LYN: variants seen among roughly 807,000 people sequenced by gnomAD.
LYN encodes the protein tyrosine-protein kinase Lyn.
LYN carries 12 observed loss-of-function variants against 65.0 expected under a neutral mutation model. The observed-to-expected ratio is 0.18, with a 90% confidence interval of 0.12 to 0.30. The LOEUF (loss-of-function observed/expected upper bound fraction) is 0.30, where lower values mean the gene tolerates loss of function less well. Ranked by LOEUF, LYN falls within the 10% of genes least tolerant of loss-of-function variation. The pLI, the probability that LYN is intolerant of heterozygous loss-of-function variation, is 1.00. For synonymous variants in LYN, 222 were observed against 221.2 expected (o/e 1.00, Z -0.03); for missense variants, 380 against 623.2 (o/e 0.61, Z 4.16).
chr8:55,953,845 C>T lies in LYN; in HGVS notation c.651C>T (p.Gly217=). ...CTTTCAAATTAGAGCAGGCAGATGG[C>T]TTGTGCAGAAGATTGGAGAAGGCTT... The part of the protein sequence containing the change: ...MIKHYQKQAD[G]LCRRLEKACI... The change falls in exon 8 of 13, where the codon GGC becomes GGT. Residue 217 remains glycine, a synonymous_variant. Coordinates refer to ENST00000519728, the MANE Select transcript of LYN (RefSeq NM_002350.4). 3 of 1,613,834 alleles carry T rather than the reference C, an allele frequency of 1.9e-6. No individual in the cohort carries two copies. Among genetic ancestry groups the T allele is most frequent in the Non-Finnish European group, 2.5e-6 (3 of 1,179,898 alleles).
At position 56,010,945 on chromosome 8, in the gene LYN, G is replaced by T. The variant is rs1463942003; in HGVS notation, c.*835G>T. ...TCCACAATTTCCTATATCCAGATTT[G>T]TTTTGACAATGTAGTTTGGAAGAAC... On this transcript the variant is annotated 3_prime_UTR_variant, in exon 13 of 13. Coordinates refer to ENST00000519728, the MANE Select transcript of LYN (RefSeq NM_002350.4). The T allele has an allele frequency of 4.3e-6, 1 of 231,588 alleles. No homozygotes were observed. The highest frequency in any genetic ancestry group is 1.3e-3 in the Middle Eastern group (1 of 796). 14.3% of individuals were successfully genotyped at this position (231,588 alleles called of 1,614,324 possible).
chr8:55,895,125 C>A (rs1457128089), intron 1 of LYN, among the ~76,000 whole-genome samples: 2 of 152,124 alleles, frequency 1.3e-5, no homozygotes, highest in Admixed American at 1.3e-4. Context: ...GCCCCAAAAC[C>A]TCCAGTTTAT....
At chr8:55,901,468 C>T (rs1805261035) in intron 1 of LYN, among the ~76,000 whole-genome samples, 2 of 152,182 alleles carry the variant, frequency 1.3e-5, no homozygotes, top group Admixed American at 6.5e-5. Flanking sequence ...TTCTTGGGCT[C>T]ATGCATGGGA....
At chr8:55,981,345 A>C (rs1441361186) in intron 10 of LYN, among the ~76,000 whole-genome samples, 1 of 152,162 alleles carries the variant, frequency 6.6e-6, no homozygotes, top group Non-Finnish European at 1.5e-5. Context: ...TTTTATCCCC[A>C]GCACTTGGTG....
intron 3 of LYN, among the ~76,000 whole-genome samples, chr8:55,947,241 C>G (rs1056711055): frequency 2.0e-5 from 3 of 152,252 alleles, no homozygotes; most frequent in Non-Finnish European, 2.9e-5. Flanking sequence ...AAGAGCGAGA[C>G]TCCGTCTCAA....
intron 10 of LYN, among the ~76,000 whole-genome samples, chr8:55,985,270 C>T (rs1022227077): frequency 6.6e-6 from 1 of 152,180 alleles, no homozygotes; most frequent in African/African-American, 2.4e-5. Flanking sequence ...AATGCTTGAC[C>T]TTGCTTCTTC....
rs1271613250 is a variant in LYN, at chr8:56,010,994, C to A, written c.*884C>A. On this transcript the variant is annotated 3_prime_UTR_variant, in exon 13 of 13. Transcript: ENST00000519728. Reference sequence around the variant, plus strand: ...ACTAAGATTCTAATCTCTGAAGAACCTTATAGGGCCTTCTAAAACATAAGA... The same window carrying A: ...ACTAAGATTCTAATCTCTGAAGAACATTATAGGGCCTTCTAAAACATAAGA... The A allele has an allele frequency of 8.6e-6, 2 of 232,284 alleles. No individual in the cohort carries two copies. The highest frequency in any genetic ancestry group is 4.4e-5 in the African/African-American group (2 of 45,308). The allele number at this position is 232,284 out of a possible 1,614,324, so 14.4% of individuals were successfully genotyped here.
intron 10 of LYN, among the ~76,000 whole-genome samples, chr8:55,987,622 G>C (rs937502341): frequency 6.6e-6 from 1 of 151,996 alleles, no homozygotes; most frequent in South Asian, 2.1e-4. Flanking sequence ...CACCACATTG[G>C]GCAGGCTGGT....
rs866731052 is a variant in LYN, at chr8:55,946,382, T to C, written c.133-66T>C. The C allele has an allele frequency of 1.9e-4, 190 of 1,013,288 alleles. 3 individuals carry two copies. The South Asian group carries it at 2.3e-3, about 12-fold the overall frequency. The allele number at this position is 1,013,288 out of a possible 1,614,324, so 62.8% of individuals were successfully genotyped here. A position where few individuals can be genotyped will look rare whatever the true frequency, so the allele number is the denominator to read the frequency against. The stretch of plus-strand genomic sequence containing the variant: ...CTGCTACTGTTACAAAAATCATATA[T>C]ACAACACGAATGTGAGTAAGAAAAG... On this transcript the variant is annotated intron_variant, in intron 2 of 12. Transcript: ENST00000519728.
At chr8:55,909,040 CACACACACACA>C (rs1300607652) in intron 1 of LYN, among the ~76,000 whole-genome samples, 10,339 of 90,706 alleles carry the variant, frequency 0.11, 1,712 homozygotes, top group Non-Finnish European at 0.15. Flanking sequence ...CACACACACA[CACACACACACA>C]CCCCACATTT....
Position 55,999,527 on chromosome 8 carries a change from C to T in LYN, c.1314C>T (p.Thr438=), listed in dbSNP as rs758632697. 20 of 1,613,496 alleles carry T rather than the reference C, an allele frequency of 1.2e-5. No individual in the cohort carries two copies. Among genetic ancestry groups the T allele is most frequent in the Middle Eastern group, 1.6e-4 (1 of 6,080 alleles). The change falls in exon 12 of 13, where the codon ACC becomes ACT. Residue 438 remains threonine (T), a synonymous_variant. Transcript: ENST00000519728. ...SFGILLYEIV[T]YGKIPYPGRT... Reference sequence around the variant, plus strand: ...GAATCCTCCTATACGAAATTGTCACCTATGGGAAAATTCCCTACCCAGGTA... The same window carrying T: ...GAATCCTCCTATACGAAATTGTCACTTATGGGAAAATTCCCTACCCAGGTA...
chr8:55,889,270 G>T (rs1394945846), intron 1 of LYN, among the ~76,000 whole-genome samples: 1 of 152,152 alleles, frequency 6.6e-6, no homozygotes, highest in African/African-American at 2.4e-5. Flanking sequence ...GGAGTACAGT[G>T]GTGCAGTCAT....
chr8:55,962,676 C>T (rs149728906), intron 8 of LYN, among the ~76,000 whole-genome samples: 4 of 152,272 alleles, frequency 2.6e-5, no homozygotes, highest in African/African-American at 9.6e-5. Context: ...TCAAGATATA[C>T]GATCATTTAT....
chr8:56,010,710 T>C lies in LYN; in HGVS notation c.*600T>C, dbSNP rs1808790811. On this transcript the variant is annotated 3_prime_UTR_variant, in exon 13 of 13. Transcript: ENST00000519728. ...AGACTGTTAAAACATTTTTCTTCTA[T>C]GAACACTGCTCAGACCTGCTAGACA... 2 of 226,874 alleles carry C rather than the reference T, an allele frequency of 8.8e-6. No homozygotes were observed. Among genetic ancestry groups the C allele is most frequent in the African/African-American group, 2.3e-5 (1 of 43,608 alleles). The allele number at this position is 226,874 out of a possible 1,614,324, so 14.1% of individuals were successfully genotyped here.
chr8:55,936,345 A>C (rs187461138), intron 1 of LYN, among the ~76,000 whole-genome samples: 105 of 152,288 alleles, frequency 6.9e-4, no homozygotes, highest in Non-Finnish European at 1.1e-3. Flanking sequence ...TCAGTAAAGA[A>C]GTGCAGCTTT....
intron 2 of LYN, among the ~76,000 whole-genome samples, chr8:55,944,584 G>A (rs981883920): frequency 6.6e-6 from 1 of 152,138 alleles, no homozygotes; most frequent in African/African-American, 2.4e-5. Flanking sequence ...GAGTTCAAGC[G>A]ATTCTCCTGC....
At chr8:55,944,062 C>T (rs1177522254) in intron 2 of LYN, among the ~76,000 whole-genome samples, 3 of 151,972 alleles carry the variant, frequency 2.0e-5, no homozygotes, top group African/African-American at 7.3e-5. Context: ...GCACTCCAGC[C>T]TGGGTTACAG....
At chr8:55,936,375 C>A (rs35380752) in intron 1 of LYN, among the ~76,000 whole-genome samples, 1 of 152,084 alleles carries the variant, frequency 6.6e-6, no homozygotes, top group Non-Finnish European at 1.5e-5. Flanking sequence ...CGTGGTGGCT[C>A]ATTCCTATAA....
At chr8:55,984,666 T>G (rs1309509252) in intron 10 of LYN, among the ~76,000 whole-genome samples, 1 of 152,232 alleles carries the variant, frequency 6.6e-6, no homozygotes, top group African/African-American at 2.4e-5. Context: ...ACTCCTGTGC[T>G]CAGCTGTGGC....
Sources: allele counts gnomAD v4.1 joint callset (sites outside exome capture counted in the v4.1 genomes callset), GRCh38; gene constraint gnomAD v4.1.1; transcripts MANE v1.5; gene names NCBI Gene and HGNC (gene_info 2026-07-23, HGNC 2026-07-21).